KLHL32: variants seen among roughly 807,000 people sequenced by gnomAD.
KLHL32 encodes the protein kelch like family member 32, also known as kelch-like protein 32.
A neutral mutation model predicts 64.8 loss-of-function variants in KLHL32; 35 were observed. That is an observed-to-expected ratio of 0.54 (90% confidence interval 0.41 to 0.72). The LOEUF is 0.72. KLHL32 is among the 30% of genes least tolerant of loss of function. The pLI, the probability that KLHL32 is intolerant of heterozygous loss-of-function variation, is 0.00. For synonymous variants in KLHL32, 259 were observed against 281.0 expected (o/e 0.92, Z 0.78); for missense variants, 589 against 768.5 (o/e 0.77, Z 2.76).
intron 1 of KLHL32, among the ~76,000 whole-genome samples, chr6:96,941,799 G>A (rs1771323185): frequency 6.6e-6 from 1 of 151,944 alleles, no homozygotes; most frequent in Non-Finnish European, 1.5e-5. Context: ...TAAGCAATGA[G>A]AAGACCCCCA....
chr6:96,913,831 G>A, the KLHL32 span, among the ~76,000 whole-genome samples: 1 of 152,196 alleles, frequency 6.6e-6, no homozygotes, highest in East Asian at 1.9e-4. Context: ...CGTCATGGGG[G>A]AAGGGTGTGG....
At chr6:96,902,976 G>A in the KLHL32 span, among the ~76,000 whole-genome samples, 1 of 152,002 alleles carries the variant, frequency 6.6e-6, no homozygotes, top group Non-Finnish European at 1.5e-5. Context: ...GTACCATGCT[G>A]TTTTGGTTAC....
chr6:97,121,676 A>C (rs1418798269), intron 7 of KLHL32, among the ~76,000 whole-genome samples: 3 of 152,166 alleles, frequency 2.0e-5, no homozygotes, highest in African/African-American at 7.2e-5. Context: ...GTTGGCTACA[A>C]AACTCTTCTC....
rs145971295 is a variant in KLHL32 at position 96,932,600 on chromosome 6, G to A, written c.-66+7574G>A. The stretch of plus-strand genomic sequence containing the variant: ...CTTTTTTTTTTTGAGACAGATTCTC[G>A]CTCTGTCACCCAGGCTGGAGTGCAG... On this transcript the variant is annotated intron_variant, in intron 1 of 10. Coordinates refer to ENST00000369261, the MANE Select transcript of KLHL32 (RefSeq NM_052904.4). 4.9e-3 allele frequency among the ~76,000 whole-genome samples: 582 copies of A among 119,434 alleles called. 5 individuals are homozygous for A. The highest frequency in any genetic ancestry group is 0.016 in the African/African-American group (486 of 29,650). 78.4% of individuals were successfully genotyped at this position (119,434 alleles called of 152,430 possible). A position where few individuals can be genotyped will look rare whatever the true frequency, so the allele number is the denominator to read the frequency against.
intron 6 of KLHL32, among the ~76,000 whole-genome samples, chr6:97,087,179 T>A (rs59100292): frequency 0.041 from 6,179 of 152,288 alleles, 425 homozygotes; most frequent in African/African-American, 0.14. Context: ...TATTATCAAT[T>A]TAGGCATTCA....
intron 9 of KLHL32, among the ~76,000 whole-genome samples, chr6:97,132,340 G>T (rs1277089939): frequency 6.6e-6 from 1 of 152,138 alleles, no homozygotes; most frequent in Non-Finnish European, 1.5e-5. Context: ...TTCCACCACT[G>T]TAAATTAATG....
At chr6:97,082,748 A>G (rs989580395) in intron 5 of KLHL32, among the ~76,000 whole-genome samples, 1 of 152,232 alleles carries the variant, frequency 6.6e-6, no homozygotes, top group African/African-American at 2.4e-5. Flanking sequence ...TTCAGAGCTT[A>G]GGAGAAAGAT....
chr6:96,963,822 A>G (rs1774137420), intron 1 of KLHL32, among the ~76,000 whole-genome samples: 1 of 152,258 alleles, frequency 6.6e-6, no homozygotes, highest in Admixed American at 6.5e-5. Context: ...TCCTGAGGTC[A>G]TGCCCAAGGA....
At chr6:97,102,990 C>G (rs1394746825) in intron 6 of KLHL32, among the ~76,000 whole-genome samples, 1 of 151,858 alleles carries the variant, frequency 6.6e-6, no homozygotes, top group Non-Finnish European at 1.5e-5. Flanking sequence ...CCTCCTCCCC[C>G]ACCCTCCACC....
intron 4 of KLHL32, among the ~76,000 whole-genome samples, chr6:97,061,113 C>T (rs1788817370): frequency 6.6e-6 from 1 of 152,144 alleles, no homozygotes; most frequent in African/African-American, 2.4e-5. Flanking sequence ...TGTTCCACCA[C>T]CTGGAGGTCA....
At chr6:96,916,724 C>T in the KLHL32 span, among the ~76,000 whole-genome samples, 1 of 152,088 alleles carries the variant, frequency 6.6e-6, no homozygotes, top group African/African-American at 2.4e-5. Flanking sequence ...ATTCAAAGGC[C>T]CCAGTGAAAA....
chr6:97,063,285 T>C (rs2128152087), intron 4 of KLHL32, among the ~76,000 whole-genome samples: 1 of 152,278 alleles, frequency 6.6e-6, no homozygotes, highest in East Asian at 1.9e-4. Flanking sequence ...ATTTTGAAGA[T>C]AGAACCAGCA....
At chr6:97,034,429 T>C (rs1362173207) in intron 3 of KLHL32, among the ~76,000 whole-genome samples, 1 of 152,170 alleles carries the variant, frequency 6.6e-6, no homozygotes, top group Non-Finnish European at 1.5e-5. Context: ...GTAATATATT[T>C]TGAAATCAGG....
At chr6:96,919,712 A>C (rs1265112686), upstream of KLHL32, among the ~76,000 whole-genome samples, 1 of 152,214 alleles carries the variant, frequency 6.6e-6, no homozygotes, top group African/African-American at 2.4e-5. Flanking sequence ...TAATATAAAT[A>C]TTATTCATGC....
chr6:96,943,766 C>T (rs1262747013), intron 1 of KLHL32, among the ~76,000 whole-genome samples: 1 of 152,130 alleles, frequency 6.6e-6, no homozygotes, highest in Non-Finnish European at 1.5e-5. Context: ...TTTCTTTTGC[C>T]ATATGCACAG....
the KLHL32 span, among the ~76,000 whole-genome samples, chr6:96,902,750 G>C: frequency 6.6e-6 from 1 of 152,138 alleles, no homozygotes; most frequent in African/African-American, 2.4e-5. Flanking sequence ...AATCCATCTT[G>C]AGTTGATTTC....
chr6:96,957,601 A>G (rs1238354061), intron 1 of KLHL32, among the ~76,000 whole-genome samples: 1 of 152,178 alleles, frequency 6.6e-6, no homozygotes, highest in Non-Finnish European at 1.5e-5. Context: ...GCACCTCAGG[A>G]TGTTATAATT....
the KLHL32 span, among the ~76,000 whole-genome samples, chr6:96,903,967 C>T: frequency 2.6e-5 from 4 of 152,232 alleles, no homozygotes. Flanking sequence ...TATAGAGAAT[C>T]TGGCAAAGAC....
At chr6:97,073,889 C>A (rs1007698530) in intron 5 of KLHL32, among the ~76,000 whole-genome samples, 1 of 152,116 alleles carries the variant, frequency 6.6e-6, no homozygotes, top group African/African-American at 2.4e-5. Context: ...CACTGTCTAT[C>A]CACAAGTATC....
Sources: gnomAD v4.1 joint callset for allele counts (sites outside exome capture counted in the v4.1 genomes callset) on GRCh38, gnomAD v4.1.1 for gene constraint, MANE v1.5 for transcripts, NCBI Gene and HGNC (gene_info 2026-07-23, HGNC 2026-07-21) for gene names.